KAZN: variants seen among roughly 807,000 people sequenced by gnomAD.
KAZN encodes the protein kazrin.
KAZN carries 40 observed loss-of-function variants against 87.4 expected under a neutral mutation model. The observed-to-expected ratio is 0.46, with a 90% CI of 0.36 to 0.60. The LOEUF is 0.60. KAZN is among the 20% of genes least tolerant of loss of function. KAZN has a pLI of 0.00. For missense variants in KAZN, 898 were observed against 1,073.9 expected (o/e 0.84, Z 2.29); for synonymous variants, 466 against 458.3 (o/e 1.02, Z -0.22).
intron 2 of KAZN, among the ~76,000 whole-genome samples, chr1:14,278,170 C>CAA (rs34057998): frequency 0.065 from 3,614 of 55,686 alleles, 290 homozygotes; most frequent in African/African-American, 0.16. Context: ...AACTCTGTCT[C>CAA]AAAAAAAAAA....
At chr1:14,978,025 T>A (rs1031596771) in intron 2 of KAZN, among the ~76,000 whole-genome samples, 2 of 151,886 alleles carry the variant, frequency 1.3e-5, no homozygotes, top group Non-Finnish European at 2.9e-5. Context: ...CCCGAGTAGC[T>A]GGGATTACAG....
intron 4 of KAZN, among the ~76,000 whole-genome samples, chr1:15,048,641 C>CCTGGGTCGTTGGTCCTGGGTCGTT (rs1673875456): frequency 1.1e-5 from 1 of 89,346 alleles, no homozygotes; most frequent in Non-Finnish European, 2.3e-5. Flanking sequence ...CCTGGGTCGT[C>CCTGGGTCGTTGGTCCTGGGTCGTT]GGTCCTGGGT....
intron 2 of KAZN, among the ~76,000 whole-genome samples, chr1:14,410,129 G>A (rs1305381442): frequency 5.9e-5 from 9 of 152,086 alleles, no homozygotes; most frequent in African/African-American, 7.2e-5. Flanking sequence ...TTTGAGAGAG[G>A]GTCTTGCTCT....
At chr1:14,939,068 G>T (rs1044635227) in intron 1 of KAZN, among the ~76,000 whole-genome samples, 3 of 152,060 alleles carry the variant, frequency 2.0e-5, no homozygotes, top group African/African-American at 7.2e-5. Flanking sequence ...CACCTCCTGG[G>T]TTCAAGCTAT....
chr1:14,524,822 C>T (rs1052976464), intron 2 of KAZN, among the ~76,000 whole-genome samples: 1 of 152,178 alleles, frequency 6.6e-6, no homozygotes, highest in African/African-American at 2.4e-5. Flanking sequence ...TGCCTGATTT[C>T]GTGATGAGAA....
Position 14,875,129 on chromosome 1 carries a change from C to T in KAZN, c.227-85555C>T, listed in dbSNP as rs147092572. 2.7e-3 allele frequency among the ~76,000 whole-genome samples: 407 copies of T among 151,944 alleles called. 3 individuals are homozygous for T. Among genetic ancestry groups the T allele is most frequent in the African/African-American group, 9.4e-3 (391 of 41,458 alleles). ...AGCAGATCACCTGAGATTGGGAGTT[C>T]AAGACCAGCCTGACCAACATGGAGA... On this transcript the variant is annotated intron_variant, in intron 1 of 14. Coordinates refer to ENST00000376030, the MANE Select transcript of KAZN (RefSeq NM_201628.3).
At chr1:15,078,327 C>T (rs1639849260) in intron 8 of KAZN, among the ~76,000 whole-genome samples, 1 of 152,026 alleles carries the variant, frequency 6.6e-6, no homozygotes, top group South Asian at 2.1e-4. Context: ...ATCGCTTGAA[C>T]CTAGGAAGCG....
intron 1 of KAZN, among the ~76,000 whole-genome samples, chr1:14,080,614 T>A (rs1643637226): frequency 6.6e-6 from 1 of 152,224 alleles, no homozygotes; most frequent in Non-Finnish European, 1.5e-5. Context: ...TTGGTCATTT[T>A]GAGGATTAAA....
intron 1 of KAZN, among the ~76,000 whole-genome samples, chr1:14,947,137 G>A (rs572724330): frequency 1.3e-4 from 20 of 152,352 alleles, no homozygotes; most frequent in African/African-American, 4.1e-4. Context: ...TTGTAAGGCC[G>A]TGCTCAAGTT....
rs1369515097 is a variant in KAZN at position 13,960,634 on chromosome 1, C to T, written c.91+66878C>T. On this transcript the variant is annotated intron_variant, in intron 1 of 16. Coordinates refer to the KAZN transcript ENST00000636203. ...ACATTGACGCCGGGAGACCAAACCT[C>T]AGGATGATTTCCCAAATCGGCTTGT... Among the ~76,000 whole-genome samples, 6 of 152,302 alleles carry T rather than the reference C, an allele frequency of 3.9e-5. No individual in the cohort carries two copies. In the East Asian group the frequency reaches 1.2e-3, roughly 29 times the overall value.
intron 2 of KAZN, among the ~76,000 whole-genome samples, chr1:14,517,886 C>G (rs930942805): frequency 6.6e-6 from 1 of 152,136 alleles, no homozygotes; most frequent in African/African-American, 2.4e-5. Context: ...AGAATATAAG[C>G]CATTTTAGCT....
intron 7 of KAZN, 90 bp from the exon 8 acceptor site, chr1:15,065,540 C>A: frequency 8.5e-7 from 1 of 1,181,168 alleles, no homozygotes; most frequent in East Asian, 2.4e-5. Flanking sequence ...CTTCCCCACC[C>A]CGGATCCCAT....
chr1:14,295,632 A>C (rs1396555502), intron 2 of KAZN, among the ~76,000 whole-genome samples: 1 of 152,186 alleles, frequency 6.6e-6, no homozygotes, highest in Non-Finnish European at 1.5e-5. Context: ...ACATAAAAAC[A>C]CATAGGCATG....
rs1043205631 is a variant in KAZN, at chr1:15,069,996, A to C, written c.1222+4243A>C. ...GCACTTTACACATATTAACTCAGTT[A>C]ACCCTCCCAACAGCCTGTCATTGAT... On this transcript the variant is annotated intron_variant, in intron 8 of 14. Coordinates refer to ENST00000376030, the MANE Select transcript of KAZN (RefSeq NM_201628.3). Among the ~76,000 whole-genome samples, 35 of 152,234 alleles carry C rather than the reference A, an allele frequency of 2.3e-4. 1 individual carries two copies. The highest frequency in any genetic ancestry group is 8.2e-4 in the African/African-American group (34 of 41,464).
chr1:15,006,823 G>A (rs1037268026), intron 2 of KAZN, among the ~76,000 whole-genome samples: 11 of 152,052 alleles, frequency 7.2e-5, no homozygotes, highest in African/African-American at 1.4e-4. Context: ...TTGGGAGGCC[G>A]AGGCAGGCGG....
intron 2 of KAZN, among the ~76,000 whole-genome samples, chr1:15,015,871 G>A (rs185530673): frequency 1.3e-5 from 2 of 152,216 alleles, no homozygotes; most frequent in East Asian, 3.9e-4. Flanking sequence ...GTCTCCACCT[G>A]TCCCCAAGTC....
chr1:14,921,325 C>T lies in KAZN; in HGVS notation c.227-39359C>T, dbSNP rs184366748. 3.9e-5 allele frequency among the ~76,000 whole-genome samples: 6 copies of T among 152,274 alleles called. No individual in the cohort carries two copies. The East Asian group carries it at 7.7e-4, about 20-fold the overall frequency. ...TGCGCTTCAGGAGGTTGCAGAGGGA[C>T]CAGTGACGGTAGCGGTGAAATGGTC... On this transcript the variant is annotated intron_variant, in intron 1 of 14. Transcript: ENST00000376030.
At chr1:14,927,061 A>C (rs10927577) in intron 1 of KAZN, among the ~76,000 whole-genome samples, 1 of 152,124 alleles carries the variant, frequency 6.6e-6, no homozygotes, top group South Asian at 2.1e-4. Context: ...AGGTGCAGAC[A>C]GTGGATGTTT....
At chr1:14,819,583 T>A (rs571819125) in intron 1 of KAZN, among the ~76,000 whole-genome samples, 1 of 151,886 alleles carries the variant, frequency 6.6e-6, no homozygotes, top group African/African-American at 2.4e-5. Flanking sequence ...TCTGCCAAAG[T>A]GCCCTACAGA....
Sources: allele counts gnomAD v4.1 joint callset (sites outside exome capture counted in the v4.1 genomes callset), GRCh38; gene constraint gnomAD v4.1.1; transcripts MANE v1.5; gene names NCBI Gene and HGNC (gene_info 2026-07-23, HGNC 2026-07-21).